The following ZNF532 variants were observed in gnomAD, a reference collection of about 807,000 sequenced individuals.
ZNF532 encodes the protein zinc finger protein 532.
A neutral mutation model predicts 89.3 loss-of-function variants in ZNF532; 22 were observed. The ratio of observed to expected loss-of-function variants is 0.25; its 90% confidence interval spans 0.18 to 0.35. The LOEUF (loss-of-function observed/expected upper bound fraction) is 0.35, where lower values mean the gene tolerates loss of function less well. Ranked by LOEUF, ZNF532 falls within the 10% of genes least tolerant of loss-of-function variation. The pLI is 1.00. For missense variants in ZNF532, 1,132 were observed against 1,643.4 expected (o/e 0.69, Z 5.38); for synonymous variants, 606 against 649.6 (o/e 0.93, Z 1.02).
At chr18:58,963,199 T>C (rs1165110529) in intron 7 of ZNF532, among the ~76,000 whole-genome samples, 1 of 152,210 alleles carries the variant, frequency 6.6e-6, no homozygotes, top group African/African-American at 2.4e-5. Flanking sequence ...TCAATATAAT[T>C]TAAAGCCTGA....
At position 58,953,627 on chromosome 18, in the gene ZNF532, A is replaced by G. The variant is rs749227408; in HGVS notation, c.2978A>G (p.Asp993Gly). The change falls in exon 7 of 10, where the codon GAC becomes GGC. Residue 993 changes from aspartate to glycine, a missense_variant. Coordinates refer to ENST00000591808, the MANE Select transcript of ZNF532 (RefSeq NM_001375912.1). ...TQNSANQNKE[D>G]TKSMNGKEKL... ...AATTCAGCAAATCAGAACAAAGAGG[A>G]CACCAAATCCATGAATGGGAAAGAG... 6.2e-7 allele frequency: 1 copy of G among 1,614,018 alleles called. No homozygotes were observed. Among genetic ancestry groups the G allele is most frequent in the Non-Finnish European group, 8.5e-7 (1 of 1,179,868 alleles).
chr18:58,941,980 T>TTCCCTCCC (rs2063107668), intron 5 of ZNF532, among the ~76,000 whole-genome samples: 2 of 107,624 alleles, frequency 1.9e-5, no homozygotes, highest in Non-Finnish European at 3.9e-5. Flanking sequence ...CCCTCCCTCC[T>TTCCCTCCC]TCCCTCCTTC....
intron 2 of ZNF532, among the ~76,000 whole-genome samples, chr18:58,917,507 G>A (rs1238585326): frequency 1.3e-5 from 2 of 152,160 alleles, no homozygotes; most frequent in Non-Finnish European, 2.9e-5. Flanking sequence ...GTCCTCTGCG[G>A]GTCGGGGGAA....
At chr18:58,896,322 TCAAAAAA>T (rs1368988032) in intron 2 of ZNF532, 1 of 152,100 alleles carries the variant, frequency 6.6e-6, no homozygotes, top group Non-Finnish European at 1.5e-5. Context: ...TCCATCACCT[TCAAAAAA>T]AGCTCTGAAC....
chr18:58,901,012 G>C (rs2059566159), intron 2 of ZNF532, among the ~76,000 whole-genome samples: 1 of 152,150 alleles, frequency 6.6e-6, no homozygotes, highest in Non-Finnish European at 1.5e-5. Context: ...AATTCACTCA[G>C]CCTTGTTTCA....
chr18:58,888,889 TTTTATATA>T (rs1258673315), intron 2 of ZNF532, among the ~76,000 whole-genome samples: 7 of 39,442 alleles, frequency 1.8e-4, no homozygotes, highest in African/African-American at 8.1e-4. Flanking sequence ...TATATATATA[TTTTATATA>T]TATATATATA....
chr18:58,972,462 A>G (rs556835846), intron 7 of ZNF532, among the ~76,000 whole-genome samples: 1 of 152,322 alleles, frequency 6.6e-6, no homozygotes, highest in African/African-American at 2.4e-5. Context: ...AAATAAGAAA[A>G]TGAAGGCCAC....
intron 8 of ZNF532, chr18:58,981,106 C>T (rs971241992): frequency 5.9e-5 from 13 of 220,458 alleles, no homozygotes; most frequent in Non-Finnish European, 9.9e-5. Flanking sequence ...AAGAATTTGG[C>T]GCTGGACACT....
At chr18:58,959,253 G>GTTTTGTTTTT (rs2065085747) in intron 7 of ZNF532, among the ~76,000 whole-genome samples, 1 of 121,638 alleles carries the variant, frequency 8.2e-6, no homozygotes, top group African/African-American at 3.6e-5. Flanking sequence ...TCAGTTTTTT[G>GTTTTGTTTTT]TTTTTTGTTT....
intron 7 of ZNF532, among the ~76,000 whole-genome samples, chr18:58,959,257 T>TG (rs2065093773): frequency 4.2e-5 from 6 of 144,158 alleles, no homozygotes; most frequent in Admixed American, 3.4e-4. Flanking sequence ...TTTTTTGTTT[T>TG]TTGTTTTTTT....
intron 4 of ZNF532, among the ~76,000 whole-genome samples, chr18:58,937,153 AT>A (rs936416601): frequency 1.2e-4 from 18 of 152,002 alleles, no homozygotes; most frequent in African/African-American, 2.7e-4. Flanking sequence ...TACTGTAAAT[AT>A]TTTTTTTAAT....
At chr18:58,913,548 C>A (rs145511419) in intron 2 of ZNF532, among the ~76,000 whole-genome samples, 2 of 151,220 alleles carry the variant, frequency 1.3e-5, no homozygotes, top group South Asian at 4.2e-4. Context: ...CTCAGGAGTT[C>A]GAGACCAGCT....
At chr18:58,915,627 T>C (rs1376955759) in intron 2 of ZNF532, among the ~76,000 whole-genome samples, 1 of 152,214 alleles carries the variant, frequency 6.6e-6, no homozygotes, top group African/African-American at 2.4e-5. Context: ...TCAGTACGGC[T>C]GCTGTGCATG....
At chr18:58,869,762 GTTTTTT>G (rs59118998) in intron 2 of ZNF532, among the ~76,000 whole-genome samples, 1 of 111,518 alleles carries the variant, frequency 9.0e-6, no homozygotes, top group Non-Finnish European at 1.8e-5. Context: ...TGGAAGATCT[GTTTTTT>G]TTTTTTTTTT....
chr18:58,943,158 C>CTTTTTTTTTTT (rs11289347), intron 5 of ZNF532, among the ~76,000 whole-genome samples: 1 of 123,124 alleles, frequency 8.1e-6, no homozygotes. Context: ...ATTACTATAT[C>CTTTTTTTTTTT]TTTTTTTTTT....
chr18:58,902,240 G>A (rs1356585694), intron 2 of ZNF532, among the ~76,000 whole-genome samples: 4 of 152,226 alleles, frequency 2.6e-5, no homozygotes, highest in South Asian at 2.1e-4. Flanking sequence ...AGACGGGGGC[G>A]GTTAAGATCA....
At chr18:58,893,785 A>G (rs1188353612) in intron 2 of ZNF532, among the ~76,000 whole-genome samples, 1 of 152,060 alleles carries the variant, frequency 6.6e-6, no homozygotes, top group Non-Finnish European at 1.5e-5. Context: ...GGTTGGCTTG[A>G]TATTTTGATA....
intron 3 of ZNF532, among the ~76,000 whole-genome samples, chr18:58,928,015 G>A (rs908371277): frequency 2.6e-5 from 4 of 152,030 alleles, no homozygotes; most frequent in East Asian, 1.9e-4. Context: ...CCTTAAGAAC[G>A]TACTTTTCTT....
chr18:58,888,838 AAT>A (rs1327450577), intron 2 of ZNF532, among the ~76,000 whole-genome samples: 3 of 49,874 alleles, frequency 6.0e-5, no homozygotes, highest in South Asian at 5.9e-4. Context: ...TTATATATAT[AAT>A]TTATATATAT....
Sources: gnomAD v4.1 joint callset for allele counts (sites outside exome capture counted in the v4.1 genomes callset) on GRCh38, gnomAD v4.1.1 for gene constraint, MANE v1.5 for transcripts, NCBI Gene and HGNC (gene_info 2026-07-23, HGNC 2026-07-21) for gene names.